Variants in ZNF790 observed in about 807,000 individuals in gnomAD.
ZNF790 encodes zinc finger protein 790.
A neutral mutation model predicts 12.1 loss-of-function variants in ZNF790; 8 were observed. That is an observed-to-expected ratio of 0.66 (90% CI 0.39 to 1.19). The LOEUF is 1.19. Among genes scored for constraint, ZNF790 ranks in the 50% most tolerant of loss-of-function variants. ZNF790 has a pLI of 0.01. For missense variants in ZNF790, 707 were observed against 752.2 expected (o/e 0.94, Z 0.70); for synonymous variants, 252 against 244.3 (o/e 1.03, Z -0.29).
chr19:36,817,672 AAT>A lies in ZNF790; in HGVS notation c.*759_*760del, dbSNP rs1289747008. 2.6e-5 allele frequency: 4 copies of A among 152,180 alleles called. No individual in the cohort carries two copies. Among genetic ancestry groups the A allele is most frequent in the African/African-American group, 9.7e-5 (4 of 41,448 alleles). The allele number at this position is 152,180 out of a possible 1,614,324, so 9.4% of individuals were successfully genotyped here. ...TTTAAGATACTTTCCAAAAAAAAAA[AAT>A]AGAGGCAGGATGTATTGAAACAAGA... On this transcript the variant is annotated 3_prime_UTR_variant, in exon 5 of 5. Transcript: ENST00000356725.
At chr19:36,848,158 T>C (rs965815663) in intron 1 of ZNF790, among the ~76,000 whole-genome samples, 7 of 152,232 alleles carry the variant, frequency 4.6e-5, no homozygotes, top group African/African-American at 1.7e-4. Flanking sequence ...TACTGTTCAT[T>C]AACCAACCCC....
intron 1 of ZNF790, among the ~76,000 whole-genome samples, chr19:36,827,022 G>T (rs544327880): frequency 4.5e-4 from 67 of 149,974 alleles, no homozygotes; most frequent in African/African-American, 1.6e-3. Flanking sequence ...AATTGCAATG[G>T]GAAGAGAAGG....
Position 36,818,637 on chromosome 19 carries a change from G to A in ZNF790, c.1707C>T (p.His569=). Residue 569 remains histidine, a synonymous_variant, in exon 5 of 5, where the codon CAC becomes CAT. Transcript: ENST00000356725. ...TAAAATATGAATGGTGACTAAAGAT[G>A]TGGCTACTTTTCTTGCATCCATAAG... ...AEPYGCKKSS[H]IFSHHSYFTE... The A allele has an allele frequency of 6.2e-7, 1 of 1,611,644 alleles. No homozygotes were observed. The highest frequency in any genetic ancestry group is 8.5e-7 in the Non-Finnish European group (1 of 1,178,888).
intron 1 of ZNF790, among the ~76,000 whole-genome samples, chr19:36,828,540 A>G (rs1340141650): frequency 6.6e-6 from 1 of 152,128 alleles, no homozygotes; most frequent in Non-Finnish European, 1.5e-5. Context: ...AGAGTGGTGC[A>G]ATCACAGTTT....
chr19:36,824,181 T>C (rs1163730143), intron 2 of ZNF790, among the ~76,000 whole-genome samples: 1 of 151,876 alleles, frequency 6.6e-6, no homozygotes, highest in Non-Finnish European at 1.5e-5. Context: ...TATTTTTTAG[T>C]AGAGACGGGG....
intron 1 of ZNF790, among the ~76,000 whole-genome samples, chr19:36,848,261 A>C (rs1001290385): frequency 2.0e-5 from 3 of 152,206 alleles, no homozygotes; most frequent in Non-Finnish European, 2.9e-5. Flanking sequence ...GAATGTTGGA[A>C]AGTTCTGCCC....
chr19:36,843,867 G>A (rs1403930584), intron 1 of ZNF790, among the ~76,000 whole-genome samples: 1 of 151,848 alleles, frequency 6.6e-6, no homozygotes, highest in Non-Finnish European at 1.5e-5. Context: ...AATTAGCCGG[G>A]CATGGTGGCA....
intron 1 of ZNF790, among the ~76,000 whole-genome samples, chr19:36,846,203 A>G (rs892638907): frequency 7.2e-5 from 11 of 152,196 alleles, no homozygotes; most frequent in African/African-American, 2.7e-4. Context: ...AGGACAGGAA[A>G]TCTTGGCTGT....
intron 3 of ZNF790, 104 bp downstream of exon 3, chr19:36,823,563 T>C: frequency 6.8e-7 from 1 of 1,475,158 alleles, no homozygotes; most frequent in Non-Finnish European, 9.3e-7. Context: ...CGCAAACCAT[T>C]TTCTAAAAAA....
intron 1 of ZNF790, among the ~76,000 whole-genome samples, chr19:36,829,387 A>T (rs970868576): frequency 1.3e-5 from 2 of 152,206 alleles, no homozygotes; most frequent in Admixed American, 6.5e-5. Flanking sequence ...GGAATAACAT[A>T]TGTGGACTTG....
rs751627349 is a variant in ZNF790, at chr19:36,834,243, C to CAAA, written c.-74+4091_-74+4093dup. ...GGGCAACAAGAGCGAAACTCCATCT[C>CAAA]AAAAAAAAAAAAAAAAAAAAAAAAG... is the stretch of plus-strand genomic sequence containing the variant. On this transcript the variant is annotated intron_variant, in intron 1 of 4. Transcript: ENST00000356725. 4.3e-3 allele frequency among the ~76,000 whole-genome samples: 149 copies of CAAA among 34,704 alleles called. 2 individuals carry two copies. The highest frequency in any genetic ancestry group is 1.0e-2 in the African/African-American group (114 of 11,454). 22.8% of individuals were successfully genotyped at this position (34,704 alleles called of 152,430 possible).
chr19:36,841,897 A>G (rs2072133278), upstream of ZNF790, among the ~76,000 whole-genome samples: 1 of 151,232 alleles, frequency 6.6e-6, no homozygotes, highest in Non-Finnish European at 1.5e-5. Context: ...TTTTTTTTGT[A>G]GAGACAAGGT....
At chr19:36,821,466 A>G (rs2071669812) in intron 4 of ZNF790, among the ~76,000 whole-genome samples, 1 of 152,194 alleles carries the variant, frequency 6.6e-6, no homozygotes, top group Non-Finnish European at 1.5e-5. Context: ...CGCTATTTCT[A>G]TTAAGTGCCT....
intron 1 of ZNF790, among the ~76,000 whole-genome samples, chr19:36,827,141 C>CACACACACACACACACATATAT (rs1313807327): frequency 4.7e-5 from 4 of 84,442 alleles, no homozygotes; most frequent in South Asian, 4.1e-4. Flanking sequence ...CACACACACA[C>CACACACACACACACACATATAT]ATATATATAT....
Position 36,819,187 on chromosome 19 carries a change from T to C in ZNF790, c.1157A>G (p.Asn386Ser), listed in dbSNP as rs1194333789. The C allele has an allele frequency of 6.2e-7, 1 of 1,614,016 alleles. No individual in the cohort carries two copies. Among genetic ancestry groups the C allele is most frequent in the East Asian group, 2.2e-5 (1 of 44,850 alleles). ...IRGSNLAQHQ[N>S]VHVGRKPYKC... is the part of the protein sequence containing the mutation. ...ATAAGGTTTCCTACCAACATGAACA[T>C]TCTGATGTTGAGCAAGATTTGAACC... The change falls in exon 5 of 5, where the codon AAT (asparagine) becomes AGT (serine). Residue 386 changes from asparagine (N) to serine (S), a missense_variant. Coordinates refer to ENST00000356725, the MANE Select transcript of ZNF790 (RefSeq NM_206894.4).
At chr19:36,825,109 C>A (rs1206011429) in intron 2 of ZNF790, among the ~76,000 whole-genome samples, 2 of 152,174 alleles carry the variant, frequency 1.3e-5, no homozygotes, top group Non-Finnish European at 2.9e-5. Context: ...ATTAACCTTT[C>A]ATTAATTTCC....
intron 1 of ZNF790, among the ~76,000 whole-genome samples, chr19:36,830,279 C>G (rs1433881390): frequency 2.7e-5 from 4 of 147,724 alleles, no homozygotes; most frequent in African/African-American, 5.3e-5. Context: ...TGCCTTATCT[C>G]TATCTATTGA....
At chr19:36,844,029 A>T (rs2072154012) in intron 1 of ZNF790, among the ~76,000 whole-genome samples, 1 of 149,948 alleles carries the variant, frequency 6.7e-6, no homozygotes, top group African/African-American at 2.5e-5. Flanking sequence ...AAAATTAAAA[A>T]AAAAAAAAAG....
In ZNF790 at chr19:36,825,698, A is replaced by C. The variant is rs1306750045; in HGVS notation, c.-73-6T>G. 1.3e-6 allele frequency: 2 copies of C among 1,505,316 alleles called. No individual in the cohort carries two copies. The highest frequency in any genetic ancestry group is 1.4e-5 in the African/African-American group (1 of 72,830). 93.2% of individuals were successfully genotyped at this position (1,505,316 alleles called of 1,614,324 possible). A position where few individuals can be genotyped will look rare whatever the true frequency, so the allele number is the denominator to read the frequency against. On this transcript the variant is annotated splice_region_variant and splice_polypyrimidine_tract_variant and intron_variant, in intron 1 of 4. Transcript: ENST00000356725. Reference sequence around the variant, plus strand: ...AGCGTGCTGGGAAAGCAGAGCTAGAAGGAAAGAATCACAAGGTCAGGCCTT... The same window carrying C: ...AGCGTGCTGGGAAAGCAGAGCTAGACGGAAAGAATCACAAGGTCAGGCCTT...
Sources: gnomAD v4.1 joint callset for allele counts (sites outside exome capture counted in the v4.1 genomes callset) on GRCh38, gnomAD v4.1.1 for gene constraint, MANE v1.5 for transcripts, NCBI Gene and HGNC (gene_info 2026-07-23, HGNC 2026-07-21) for gene names.